Variants in FBXO31 observed in about 807,000 individuals in gnomAD.
FBXO31 encodes the protein F-box protein 31.
A neutral mutation model predicts 54.4 loss-of-function variants in FBXO31; 24 were observed. That is an observed-to-expected ratio of 0.44 (90% CI 0.32 to 0.62). The LOEUF (loss-of-function observed/expected upper bound fraction) is 0.62, where lower values mean the gene tolerates loss of function less well. Among genes scored for constraint, FBXO31 ranks in the 20% least tolerant of loss-of-function variants. The probability of loss-of-function intolerance (pLI) is 0.05; values close to 1 mark genes in which losing one functional copy is unlikely to be tolerated. For missense variants in FBXO31, 665 were observed against 787.1 expected (o/e 0.84, Z 1.86); for synonymous variants, 388 against 335.6 (o/e 1.16, Z -1.71).
At position 87,329,011 on chromosome 16, in the gene FBXO31, G is replaced by A. The variant is rs572004924; in HGVS notation, c.*2277C>T. The A allele has an allele frequency of 6.6e-5, 10 of 152,356 alleles. No homozygotes were observed. Among genetic ancestry groups the A allele is most frequent in the South Asian group, 6.2e-4 (3 of 4,822 alleles). The allele number at this position is 152,356 out of a possible 1,614,324, so 9.4% of individuals were successfully genotyped here. ...CCTGAGAGGGTGGATGCCCTCCCCC[G>A]GAAGGGAAGCTGCTGTTTTGAGGCG... On this transcript the variant is annotated 3_prime_UTR_variant, in exon 9 of 9. Coordinates refer to ENST00000311635, the MANE Select transcript of FBXO31 (RefSeq NM_024735.5).
rs376474512 is a variant in FBXO31, at chr16:87,354,201, G to A, written c.412+6094C>T. 2.6e-5 allele frequency among the ~76,000 whole-genome samples: 4 copies of A among 152,334 alleles called. No individual in the cohort carries two copies. The South Asian group carries it at 6.2e-4, about 24-fold the overall frequency. On this transcript the variant is annotated intron_variant, in intron 2 of 8. Transcript: ENST00000311635. ...AAAGTACAGAACATTGTCCAGGCGC[G>A]GTGGCTCACGCCTGTAATCCCAACA...
intron 1 of FBXO31, among the ~76,000 whole-genome samples, chr16:87,389,305 G>C (rs531401382): frequency 4.6e-5 from 7 of 152,292 alleles, no homozygotes; most frequent in Non-Finnish European, 7.3e-5. Context: ...TTAGAAGTTA[G>C]GCGTAGAAGT....
chr16:87,367,759 A>T (rs976607841), intron 1 of FBXO31: 1 of 152,152 alleles, frequency 6.6e-6, no homozygotes, highest in Non-Finnish European at 1.5e-5. Context: ...TCCCTGCGCC[A>T]ACGGCCAGAT....
chr16:87,347,848 G>T (rs1192052647), intron 2 of FBXO31, among the ~76,000 whole-genome samples: 1 of 152,168 alleles, frequency 6.6e-6, no homozygotes, highest in Non-Finnish European at 1.5e-5. Context: ...CAGCGAGCTG[G>T]ACTAGACCTG....
At chr16:87,353,588 A>C (rs772486617) in intron 2 of FBXO31, among the ~76,000 whole-genome samples, 1 of 152,258 alleles carries the variant, frequency 6.6e-6, no homozygotes, top group African/African-American at 2.4e-5. Flanking sequence ...TGGCCAGAGC[A>C]GGAAGAGGCG....
chr16:87,342,754 A>G, intron 5 of FBXO31, 123 bp downstream of exon 5: 1 of 765,984 alleles, frequency 1.3e-6, no homozygotes, highest in Non-Finnish European at 2.1e-6. Flanking sequence ...CGGCTGAACC[A>G]TGTGAAACAG....
chr16:87,351,408 GC>G (rs920523179), intron 2 of FBXO31, among the ~76,000 whole-genome samples: 279 of 152,072 alleles, frequency 1.8e-3, no homozygotes, highest in African/African-American at 5.1e-3. Context: ...GGCTCTGGTG[GC>G]GGGGGAAAGG....
chr16:87,331,205 C>A lies in FBXO31; in HGVS notation c.*83G>T. The A allele has an allele frequency of 2.1e-6, 3 of 1,427,600 alleles. No homozygotes were observed. Among genetic ancestry groups the A allele is most frequent in the South Asian group, 2.5e-5 (2 of 80,056 alleles). The allele number at this position is 1,427,600 out of a possible 1,614,324, so 88.4% of individuals were successfully genotyped here. A position where few individuals can be genotyped will look rare whatever the true frequency, so the allele number is the denominator to read the frequency against. On this transcript the variant is annotated 3_prime_UTR_variant, in exon 9 of 9. Coordinates refer to ENST00000311635, the MANE Select transcript of FBXO31 (RefSeq NM_024735.5). ...GCGTTCTGGTCAAAAGGCCGGATTTCCAAAGTGCATGCTGCTTCTATTCAC... is the reference window on the plus strand; with the variant it reads ...GCGTTCTGGTCAAAAGGCCGGATTTACAAAGTGCATGCTGCTTCTATTCAC...
Position 87,360,294 on chromosome 16 carries a change from C to T in FBXO31, c.412+1G>A, listed in dbSNP as rs1251302168. 6.2e-7 allele frequency: 1 copy of T among 1,613,942 alleles called. No homozygotes were observed. Among genetic ancestry groups the T allele is most frequent in the Non-Finnish European group, 8.5e-7 (1 of 1,179,794 alleles). On this transcript the variant is annotated splice_donor_variant, in intron 2 of 8. Coordinates refer to ENST00000311635, the MANE Select transcript of FBXO31 (RefSeq NM_024735.5). LOFTEE classifies it high-confidence loss of function. ...GGATGGTAACAAATAGATTCACTCA[C>T]GCTTCGCATAGACGTCCCGACAAGA... is the stretch of plus-strand genomic sequence containing the variant.
At chr16:87,347,067 C>T in intron 3 of FBXO31, 107 bp downstream of exon 3, 1 of 986,858 alleles carries the variant, frequency 1.0e-6, no homozygotes, top group Admixed American at 1.9e-5. Context: ...ACCTCAAACG[C>T]ACATCTGGGC....
chr16:87,391,336 C>A (rs1031945233), upstream of FBXO31, among the ~76,000 whole-genome samples: 3 of 152,194 alleles, frequency 2.0e-5, no homozygotes, highest in Non-Finnish European at 4.4e-5. Context: ...TAGTGCTGTT[C>A]CTACAGAGAC....
At chr16:87,390,938 T>C (rs545275001), upstream of FBXO31, among the ~76,000 whole-genome samples, 1 of 152,124 alleles carries the variant, frequency 6.6e-6, no homozygotes, top group African/African-American at 2.4e-5. Context: ...CAGTGTAGAG[T>C]GTATTAGCCT....
chr16:87,343,609 C>T lies in FBXO31; in HGVS notation c.646G>A (p.Gly216Ser), dbSNP rs1289116460. 15 of 1,608,744 alleles carry T rather than the reference C, an allele frequency of 9.3e-6. No individual in the cohort carries two copies. The highest frequency in any genetic ancestry group is 1.1e-5 in the Non-Finnish European group (13 of 1,177,620). Residue 216 changes from glycine (G) to serine (S), a missense_variant, in exon 4 of 9, where the codon GGC becomes AGC. Around this residue, in one of 4 missense-constraint regions of FBXO31, gnomAD observed 234 missense variants for 346.8 expected, o/e 0.67. Coordinates refer to ENST00000311635, the MANE Select transcript of FBXO31 (RefSeq NM_024735.5). ...GCCGCTGCACACACCTGGATGTGGC[C>T]GTGGTGGGGCCCTTTGTGGCCGTAC... is the stretch of plus-strand genomic sequence containing the variant. ...CMYGHKGPHH[G>S]HIQIVKKDEF... is the part of the protein sequence containing the mutation.
At chr16:87,357,881 C>T (rs1341341644) in intron 2 of FBXO31, among the ~76,000 whole-genome samples, 3 of 143,412 alleles carry the variant, frequency 2.1e-5, no homozygotes, top group African/African-American at 3.0e-5. Flanking sequence ...TGTGACACTG[C>T]ACTCCAGCTT....
intron 1 of FBXO31, among the ~76,000 whole-genome samples, chr16:87,372,731 CCTTTT>C (rs1906655629): frequency 6.8e-6 from 1 of 146,642 alleles, no homozygotes; most frequent in African/African-American, 2.6e-5. Flanking sequence ...TGGTTAATTT[CCTTTT>C]TTTTTTTTTT....
chr16:87,382,286 G>A (rs191501940), intron 1 of FBXO31, among the ~76,000 whole-genome samples: 1 of 152,190 alleles, frequency 6.6e-6, no homozygotes, highest in Non-Finnish European at 1.5e-5. Context: ...AGGGAAGAAG[G>A]TACACACGAC....
At chr16:87,360,562 T>C (rs555143864) in intron 1 of FBXO31, among the ~76,000 whole-genome samples, 196 bp from the exon 2 acceptor site, 2 of 152,370 alleles carry the variant, frequency 1.3e-5, no homozygotes, top group Non-Finnish European at 1.5e-5. Context: ...AAGACATTAT[T>C]CTATTTTAGT....
In FBXO31 at chr16:87,346,713, C is replaced by T. The variant is rs945704081; in HGVS notation, c.489+461G>A. The stretch of plus-strand genomic sequence containing the variant: ...CAAAGTCAGAGCAGGGCTTTCCGTT[C>T]GAGAGGCTCCAGTAGGAGGGCACAG... On this transcript the variant is annotated intron_variant, in intron 3 of 8. Transcript: ENST00000311635. This position sits in a 1 kb window ranked among gnomAD's most constrained non-coding sequence, Gnocchi z 4.2. 2.0e-5 allele frequency among the ~76,000 whole-genome samples: 3 copies of T among 152,332 alleles called. No homozygotes were observed. Among genetic ancestry groups the T allele is most frequent in the South Asian group, 2.1e-4 (1 of 4,834 alleles).
rs1328845150 is a variant in FBXO31, at chr16:87,335,868, G to A, written c.842+287C>T. 1.3e-5 allele frequency among the ~76,000 whole-genome samples: 2 copies of A among 152,146 alleles called. No individual in the cohort carries two copies. The highest frequency in any genetic ancestry group is 6.5e-5 in the Admixed American group (1 of 15,276). The stretch of plus-strand genomic sequence containing the variant: ...GAAATCAGATAAAAACAGACACCCG[G>A]GTGAAGGATGGGGTCTGGGGCTGTG... On this transcript the variant is annotated intron_variant, in intron 6 of 8. Coordinates refer to ENST00000311635, the MANE Select transcript of FBXO31 (RefSeq NM_024735.5). This position sits in a 1 kb window ranked among gnomAD's most constrained non-coding sequence, Gnocchi z 5.7.
Sources: gnomAD v4.1 joint callset for allele counts (sites outside exome capture counted in the v4.1 genomes callset) on GRCh38, gnomAD v4.1.1 for gene constraint, gnomAD v4.1.1 regional missense constraint, Gnocchi (gnomAD v3.1) non-coding constraint, MANE v1.5 for transcripts, NCBI Gene and HGNC (gene_info 2026-07-23, HGNC 2026-07-21) for gene names.